The following ALOX12 variants were observed in gnomAD, a reference collection of about 807,000 sequenced individuals.
ALOX12 encodes the protein arachidonate 12-lipoxygenase, 12S type.
In ALOX12, 62 loss-of-function variants were observed where a neutral mutation model predicts 85.5. The observed-to-expected ratio is 0.73, with a 90% CI of 0.59 to 0.90. The LOEUF is 0.90. Ranked by LOEUF, ALOX12 falls within the 40% of genes least tolerant of loss-of-function variation. The probability of loss-of-function intolerance (pLI) is 0.00; values close to 1 mark genes in which losing one functional copy is unlikely to be tolerated. For synonymous variants in ALOX12, 299 were observed against 332.7 expected, an observed-to-expected ratio of 0.90 and a Z score of 1.10; for missense variants, 751 against 856.5, an observed-to-expected ratio of 0.88 and a Z score of 1.54.
Position 6,996,287 on chromosome 17 carries a change from G to A in ALOX12, c.135+35G>A, listed in dbSNP as rs964186245. The A allele has an allele frequency of 3.3e-5, 40 of 1,223,662 alleles. No homozygotes were observed. In the Admixed American group the frequency reaches 4.3e-4, roughly 13 times the overall value. The allele number at this position is 1,223,662 out of a possible 1,614,324, so 75.8% of individuals were successfully genotyped here. ...GGGAGCGAGGGGAGCTAGGGCAGCG[G>A]GGACCCCGGGCCCAGGCCCGGGCCG... On this transcript the variant is annotated intron_variant, in intron 1 of 13. Transcript: ENST00000251535.
intron 4 of ALOX12, 58 bp downstream of exon 4, chr17:6,998,895 A>G (rs1908574610): frequency 6.2e-7 from 1 of 1,613,942 alleles, no homozygotes; most frequent in Non-Finnish European, 8.5e-7. Context: ...AAGAATGATG[A>G]TAGACGGTGA....
chr17:7,009,648 C>T (rs11571351), intron 11 of ALOX12, 99 bp from the exon 12 acceptor site: 24,356 of 1,044,558 alleles, frequency 0.023, 484 homozygotes, highest in South Asian at 0.079. Flanking sequence ...ATAAAATAAA[C>T]AAATTCATCA....
In ALOX12 at chr17:6,998,886, A is replaced by C. The variant is rs779595043; in HGVS notation, c.542+49A>C. ...AGTGAAATAAGGGCTGGGAGGGCCA[A>C]GAATGATGATAGACGGTGAGGGACT... On this transcript the variant is annotated intron_variant, in intron 4 of 13. Coordinates refer to ENST00000251535, the MANE Select transcript of ALOX12 (RefSeq NM_000697.3). 2.5e-6 allele frequency: 4 copies of C among 1,614,114 alleles called. No individual in the cohort carries two copies. In the African/African-American group the frequency reaches 5.3e-5, roughly 22 times the overall value.
At chr17:7,008,650 G>A (rs1470019652) in intron 11 of ALOX12, among the ~76,000 whole-genome samples, 3 of 151,946 alleles carry the variant, frequency 2.0e-5, no homozygotes, top group East Asian at 3.9e-4. Flanking sequence ...GGAGGCTGAG[G>A]CAGGAGAATC....
At position 7,000,528 on chromosome 17, in the gene ALOX12, C is replaced by T. The variant is rs780039377; in HGVS notation, c.951+49C>T. ...CAACGTTGCACTCTGTTCACCTCAA[C>T]CTCTGCTCCCAGGGACCCAACCCCC... On this transcript the variant is annotated intron_variant, in intron 7 of 13. Coordinates refer to ENST00000251535, the MANE Select transcript of ALOX12 (RefSeq NM_000697.3). This position sits in a 1 kb window ranked among gnomAD's most constrained non-coding sequence, Gnocchi z 4.6. 6.3e-7 allele frequency: 1 copy of T among 1,597,478 alleles called. No individual in the cohort carries two copies. Among genetic ancestry groups the T allele is most frequent in the East Asian group, 2.2e-5 (1 of 44,526 alleles).
chr17:7,008,711 A>C (rs1265126620), intron 11 of ALOX12, among the ~76,000 whole-genome samples: 1 of 151,018 alleles, frequency 6.6e-6, no homozygotes, highest in East Asian at 2.0e-4. Flanking sequence ...GTGCCACTGC[A>C]CTCCAGCCTG....
Position 6,998,775 on chromosome 17 carries a change from A to G in ALOX12, c.480A>G (p.Leu160=), listed in dbSNP as rs1345998311. 1 of 1,613,994 alleles carries G rather than the reference A, an allele frequency of 6.2e-7. No homozygotes were observed. The highest frequency in any genetic ancestry group is 8.5e-7 in the Non-Finnish European group (1 of 1,180,034). Residue 160 remains leucine, a synonymous_variant, in exon 4 of 14, where the codon CTA becomes CTG. Coordinates refer to ENST00000251535, the MANE Select transcript of ALOX12 (RefSeq NM_000697.3). ...TCGCTGCAGACCGTAAGGATGATCT[A>G]CCTCCAAATATGAGATTCCATGAGG... The part of the protein sequence containing the change: ...LTIAADRKDD[L]PPNMRFHEEK...
chr17:7,005,474 CTTT>C (rs35201122), intron 9 of ALOX12, 131 bp downstream of exon 9: 6,891 of 219,584 alleles, frequency 0.031, no homozygotes, highest in East Asian at 0.046. Flanking sequence ...ATACCCATGT[CTTT>C]TTTTTTTTTT....
intron 8 of ALOX12, among the ~76,000 whole-genome samples, chr17:7,004,570 G>A (rs1163929252): frequency 6.6e-6 from 1 of 150,582 alleles, no homozygotes; most frequent in African/African-American, 2.4e-5. Flanking sequence ...AAAAGACCAT[G>A]GCCTTTTTTC....
chr17:7,001,913 T>C, intron 8 of ALOX12, 102 bp downstream of exon 8: 1 of 978,676 alleles, frequency 1.0e-6, no homozygotes, highest in Non-Finnish European at 1.5e-6. Flanking sequence ...TGTAGCAATT[T>C]GTGAGTGAAG....
Position 7,000,312 on chromosome 17 carries a change from T to C in ALOX12, c.808-24T>C. The C allele has an allele frequency of 1.2e-6, 2 of 1,612,874 alleles. No individual in the cohort carries two copies. Among genetic ancestry groups the C allele is most frequent in the Non-Finnish European group, 1.7e-6 (2 of 1,179,130 alleles). ...GGGGGTAGACTTTGAACTCTAAAAA[T>C]GGATACATCCCTCCTGTCCCCAGAA... On this transcript the variant is annotated intron_variant, in intron 6 of 13. Transcript: ENST00000251535. This position sits in a 1 kb window ranked among gnomAD's most constrained non-coding sequence, Gnocchi z 4.6.
intron 8 of ALOX12, chr17:7,002,600 CA>C: frequency 2.3e-6 from 1 of 444,014 alleles, no homozygotes; most frequent in South Asian, 1.6e-5. Flanking sequence ...CCAGCCTGGG[CA>C]ACACAGCAAG....
Position 7,005,900 on chromosome 17 carries a change from C to T in ALOX12, c.1291C>T (p.Arg431Trp), listed in dbSNP as rs200546604. The change falls in exon 10 of 14, where the codon CGG (arginine) becomes TGG (tryptophan). Residue 431 changes from arginine to tryptophan, a missense_variant. By Grantham distance (101) the Arg-to-Trp change is moderately radical. Coordinates refer to ENST00000251535, the MANE Select transcript of ALOX12 (RefSeq NM_000697.3). The part of the protein sequence containing the change: ...GGGGHVQLLR[R>W]AAAQLTYCSL... ...AGGGGGCCATGTACAGTTGCTCCGTCGGGCGGCAGCTCAGCTGACCTACTG... is the reference window on the plus strand; with the variant it reads ...AGGGGGCCATGTACAGTTGCTCCGTTGGGCGGCAGCTCAGCTGACCTACTG... 18 of 1,613,522 alleles carry T rather than the reference C, an allele frequency of 1.1e-5. No homozygotes were observed. Among genetic ancestry groups the T allele is most frequent in the African/African-American group, 5.3e-5 (4 of 74,996 alleles).
chr17:6,997,037 C>T lies in ALOX12; in HGVS notation c.337+10C>T, dbSNP rs768584209. ...CTGCCCGAGGGCACCGGTGAGCAGG[C>T]GGCGTCGGGGAAGGAGGCACAAGGT... On this transcript the variant is annotated intron_variant, in intron 2 of 13. Transcript: ENST00000251535. 2 of 1,528,532 alleles carry T rather than the reference C, an allele frequency of 1.3e-6. No homozygotes were observed. Among genetic ancestry groups the T allele is most frequent in the Admixed American group, 4.0e-5 (2 of 50,508 alleles). The allele number at this position is 1,528,532 out of a possible 1,614,324, so 94.7% of individuals were successfully genotyped here.
chr17:6,998,000 A>G (rs891703043), intron 2 of ALOX12, among the ~76,000 whole-genome samples: 6 of 152,108 alleles, frequency 3.9e-5, no homozygotes, highest in African/African-American at 4.8e-5. Context: ...GAATAAGTCC[A>G]TAGATACAGA....
chr17:7,003,317 G>A (rs897487430), intron 8 of ALOX12, among the ~76,000 whole-genome samples: 7 of 152,286 alleles, frequency 4.6e-5, no homozygotes, highest in Admixed American at 2.6e-4. Flanking sequence ...CCTGAACCCC[G>A]GCCTCAATAA....
intron 6 of ALOX12, among the ~76,000 whole-genome samples, chr17:6,999,757 C>A (rs991753235): frequency 6.6e-6 from 1 of 152,028 alleles, no homozygotes; most frequent in African/African-American, 2.4e-5. Flanking sequence ...TGTTCATGGG[C>A]AGGGAGAAAA....
At chr17:7,003,359 G>A (rs1298200839) in intron 8 of ALOX12, among the ~76,000 whole-genome samples, 1 of 152,146 alleles carries the variant, frequency 6.6e-6, no homozygotes, top group East Asian at 1.9e-4. Flanking sequence ...TCCATCGTGA[G>A]GTTATTAAAG....
Position 7,006,019 on chromosome 17 carries a change from C to G in ALOX12, c.1410C>G (p.Ile470Met), listed in dbSNP as rs1199729053. 6.7e-7 allele frequency: 1 copy of G among 1,494,172 alleles called. No homozygotes were observed. Among genetic ancestry groups the G allele is most frequent in the Non-Finnish European group, 8.9e-7 (1 of 1,122,334 alleles). The allele number at this position is 1,494,172 out of a possible 1,614,324, so 92.6% of individuals were successfully genotyped here. The change falls in exon 10 of 14, where the codon ATC becomes ATG. Residue 470 changes from isoleucine (I) to methionine (M), a missense_variant. Coordinates refer to ENST00000251535, the MANE Select transcript of ALOX12 (RefSeq NM_000697.3). Reference protein sequence around the residue: ...YAHDALRLWEIIARYVEGIVH... With the variant: ...YAHDALRLWEMIARYVEGIVH... ...ATGATGCTTTACGGCTCTGGGAGAT[C>G]ATTGCCAGGTGAGTAAGGAGGAGCT...
Sources: gnomAD v4.1 joint callset for allele counts (sites outside exome capture counted in the v4.1 genomes callset) on GRCh38, gnomAD v4.1.1 for gene constraint, Gnocchi (gnomAD v3.1) non-coding constraint, MANE v1.5 for transcripts, NCBI Gene and HGNC (gene_info 2026-07-23, HGNC 2026-07-21) for gene names.